Variants in OR51B5 observed in about 807,000 individuals in gnomAD.
OR51B5 encodes the protein olfactory receptor family 51 subfamily B member 5.
For synonymous variants in OR51B5, 186 were observed against 144.8 expected (o/e 1.28, Z -2.04); for missense variants, 456 against 374.6 (o/e 1.22, Z -1.79).
At chr11:5,475,206 A>G (rs1851285445) in intron 1 of OR51B5, among the ~76,000 whole-genome samples, 1 of 152,162 alleles carries the variant, frequency 6.6e-6, no homozygotes, top group Admixed American at 6.5e-5. Context: ...TCCATATTAC[A>G]TCAATATTAA....
At chr11:5,452,745 G>A (rs1385970258) in intron 1 of OR51B5, among the ~76,000 whole-genome samples, 2 of 152,166 alleles carry the variant, frequency 1.3e-5, no homozygotes, top group Non-Finnish European at 2.9e-5. Context: ...ATGTAAGTTT[G>A]TATTTGGAAC....
intron 1 of OR51B5, among the ~76,000 whole-genome samples, chr11:5,504,025 T>C (rs1469199625): frequency 1.3e-5 from 2 of 152,136 alleles, no homozygotes; most frequent in African/African-American, 4.8e-5. Context: ...GCTAAAGGAC[T>C]ATTGTGTGGA....
chr11:5,431,444 T>C (rs1874826), intron 1 of OR51B5: 154,166 of 188,834 alleles, frequency 0.82, 63,341 homozygotes, highest in Non-Finnish European at 0.86. Flanking sequence ...GGGCAGAGTC[T>C]TCCTGCACTG....
intron 1 of OR51B5, chr11:5,389,818 C>A (rs375607959): frequency 1.2e-6 from 2 of 1,613,848 alleles, no homozygotes; most frequent in African/African-American, 1.3e-5. Context: ...CCATCTGCCA[C>A]CCTCTGAGGT....
At chr11:5,445,455 C>T (rs887001836) in intron 1 of OR51B5, among the ~76,000 whole-genome samples, 4 of 151,958 alleles carry the variant, frequency 2.6e-5, no homozygotes, top group African/African-American at 7.3e-5. Flanking sequence ...CTATATGGAA[C>T]CTAAAAATTA....
intron 1 of OR51B5, chr11:5,351,560 T>A: frequency 6.2e-7 from 1 of 1,613,992 alleles, no homozygotes; most frequent in Non-Finnish European, 8.5e-7. Flanking sequence ...TTCCCAGGCA[T>A]GGAGAAGGCA....
intron 1 of OR51B5, among the ~76,000 whole-genome samples, chr11:5,495,789 G>A (rs1851641943): frequency 6.6e-6 from 1 of 152,168 alleles, no homozygotes; most frequent in African/African-American, 2.4e-5. Context: ...AACATATAGA[G>A]TGACTGAATG....
intron 1 of OR51B5, among the ~76,000 whole-genome samples, chr11:5,436,657 G>C (rs1034072699): frequency 6.6e-6 from 1 of 152,194 alleles, no homozygotes; most frequent in Non-Finnish European, 1.5e-5. Flanking sequence ...ATGTAAAAGT[G>C]AGGTTTGAGG....
At chr11:5,412,690 T>G (rs971788157) in intron 1 of OR51B5, among the ~76,000 whole-genome samples, 20 of 152,116 alleles carry the variant, frequency 1.3e-4, no homozygotes, top group African/African-American at 1.7e-4. Context: ...CGCTGATTCC[T>G]AGCACAGCAG....
chr11:5,440,322 T>C (rs1850658929), intron 1 of OR51B5, among the ~76,000 whole-genome samples: 1 of 152,184 alleles, frequency 6.6e-6, no homozygotes, highest in Non-Finnish European at 1.5e-5. Context: ...TCTTCACATG[T>C]CTATCTGGTT....
intron 1 of OR51B5, among the ~76,000 whole-genome samples, chr11:5,462,569 C>T (rs1045558533): frequency 6.6e-6 from 1 of 152,214 alleles, no homozygotes; most frequent in African/African-American, 2.4e-5. Context: ...AAGTTCTCTT[C>T]ACCCAGATAG....
At chr11:5,373,687 T>C (rs1015699150) in intron 1 of OR51B5, among the ~76,000 whole-genome samples, 1 of 152,186 alleles carries the variant, frequency 6.6e-6, no homozygotes, top group Non-Finnish European at 1.5e-5. Context: ...ATCCTGCACA[T>C]GGCTCCGAGG....
intron 1 of OR51B5, among the ~76,000 whole-genome samples, chr11:5,459,249 T>C (rs1164089726): frequency 6.6e-6 from 1 of 152,206 alleles, no homozygotes; most frequent in East Asian, 1.9e-4. Flanking sequence ...AAGAGATGAA[T>C]CACATTTATT....
intron 1 of OR51B5, among the ~76,000 whole-genome samples, chr11:5,420,841 C>T (rs533205103): frequency 6.6e-6 from 1 of 152,010 alleles, no homozygotes; most frequent in South Asian, 2.1e-4. Context: ...GTCTTCATTT[C>T]CTTATTTCTT....
At chr11:5,390,257 C>T (rs772494292) in intron 1 of OR51B5, 1 of 1,614,052 alleles carries the variant, frequency 6.2e-7, no homozygotes. Context: ...TATTCATCTT[C>T]TTATGGCCAA....
intron 1 of OR51B5, among the ~76,000 whole-genome samples, chr11:5,439,564 G>A (rs1850644055): frequency 6.6e-6 from 1 of 152,158 alleles, no homozygotes; most frequent in Non-Finnish European, 1.5e-5. Context: ...CTTGCAGAAT[G>A]TATTAAAACA....
intron 1 of OR51B5, among the ~76,000 whole-genome samples, chr11:5,490,008 G>C (rs1851559348): frequency 6.6e-6 from 1 of 152,170 alleles, no homozygotes; most frequent in African/African-American, 2.4e-5. Flanking sequence ...GAAAAACAAA[G>C]AAAAGGTTTG....
intron 1 of OR51B5, among the ~76,000 whole-genome samples, chr11:5,490,302 C>G (rs985420131): frequency 5.3e-5 from 8 of 152,188 alleles, no homozygotes; most frequent in Admixed American, 5.2e-4. Flanking sequence ...TATGTAACCT[C>G]TCTAAACGTT....
intron 1 of OR51B5, among the ~76,000 whole-genome samples, chr11:5,350,069 A>G (rs988469603): frequency 6.6e-6 from 1 of 152,232 alleles, no homozygotes; most frequent in South Asian, 2.1e-4. Context: ...CCTGACATGT[A>G]CTCACTAGAG....
Sources: allele counts gnomAD v4.1 joint callset (sites outside exome capture counted in the v4.1 genomes callset), GRCh38; gene constraint gnomAD v4.1.1; transcripts MANE v1.5; gene names NCBI Gene and HGNC (gene_info 2026-07-23, HGNC 2026-07-21).